STT3B: variants seen among roughly 807,000 people sequenced by gnomAD.
STT3B encodes the protein dolichyl-diphosphooligosaccharide--protein glycosyltransferase subunit STT3B.
In STT3B, 29 loss-of-function variants were observed where a neutral mutation model predicts 96.8. The observed-to-expected ratio is 0.30, with a 90% CI of 0.22 to 0.41. STT3B has a LOEUF of 0.41. Among genes scored for constraint, STT3B ranks in the 10% least tolerant of loss-of-function variants. STT3B has a pLI of 1.00. For missense variants in STT3B, 640 were observed against 1,022.3 expected (o/e 0.63, Z 5.10); for synonymous variants, 367 against 360.0 (o/e 1.02, Z -0.22).
At chr3:31,553,935 T>C (rs1295700739) in intron 1 of STT3B, among the ~76,000 whole-genome samples, 1 of 144,790 alleles carries the variant, frequency 6.9e-6, no homozygotes, top group Non-Finnish European at 1.6e-5. Flanking sequence ...TTATTTGAGA[T>C]CTATAATCTA....
At chr3:31,592,480 A>G (rs940426655) in intron 3 of STT3B, among the ~76,000 whole-genome samples, 2 of 152,134 alleles carry the variant, frequency 1.3e-5, no homozygotes, top group East Asian at 1.9e-4. Flanking sequence ...TCATATGTCA[A>G]TTCTATTTTT....
chr3:31,550,990 G>A (rs1037192891), intron 1 of STT3B, among the ~76,000 whole-genome samples: 2 of 152,106 alleles, frequency 1.3e-5, no homozygotes, highest in Non-Finnish European at 2.9e-5. Flanking sequence ...TATATATGAA[G>A]TGTTGCAAAT....
At chr3:31,579,256 C>T (rs1487559165) in intron 2 of STT3B, among the ~76,000 whole-genome samples, 1 of 152,016 alleles carries the variant, frequency 6.6e-6, no homozygotes, top group East Asian at 1.9e-4. Flanking sequence ...ACTCTTCCCT[C>T]TTTTCCTAGC....
At chr3:31,549,594 T>C (rs1435460305) in intron 1 of STT3B, among the ~76,000 whole-genome samples, 1 of 152,194 alleles carries the variant, frequency 6.6e-6, no homozygotes, top group African/African-American at 2.4e-5. Context: ...TTTATATTTA[T>C]AGTATATGAC....
chr3:31,600,562 G>T, intron 5 of STT3B, 103 bp downstream of exon 5: 1 of 496,626 alleles, frequency 2.0e-6, no homozygotes, highest in Non-Finnish European at 3.5e-6. Context: ...GCATGAAAAG[G>T]TAAAAATAAT....
chr3:31,593,785 A>C (rs1000079475), intron 3 of STT3B, among the ~76,000 whole-genome samples: 4 of 151,988 alleles, frequency 2.6e-5, no homozygotes, highest in Non-Finnish European at 5.9e-5. Context: ...GTGTTATATC[A>C]TTATATTTTT....
chr3:31,559,963 T>G (rs1359404526), intron 1 of STT3B, among the ~76,000 whole-genome samples: 11 of 152,140 alleles, frequency 7.2e-5, no homozygotes, highest in African/African-American at 2.2e-4. Context: ...TTTTACTGTT[T>G]TTTGACTTAA....
rs143785226 is a variant in STT3B, at chr3:31,620,901, TTCTCTAGG to T, written c.1327+1073_1327+1080del. 0.019 allele frequency among the ~76,000 whole-genome samples: 2,835 copies of T among 152,262 alleles called. 272 individuals are homozygous for T. In the East Asian group the frequency reaches 0.31, roughly 17 times the overall value. On this transcript the variant is annotated intron_variant, in intron 9 of 15. Transcript: ENST00000295770. Reference sequence around the variant, plus strand: ...AGTTTAAAGGATTGCACACTCATTGTTCTCTAGGTTAATGGATCCTGGATGAGGCCCTG... The same window carrying T: ...AGTTTAAAGGATTGCACACTCATTGTTTAATGGATCCTGGATGAGGCCCTG...
intron 1 of STT3B, among the ~76,000 whole-genome samples, chr3:31,553,962 A>T (rs1044167824): frequency 1.3e-5 from 2 of 152,204 alleles, no homozygotes; most frequent in Non-Finnish European, 1.5e-5. Context: ...GATTATATCC[A>T]TATTTTATGG....
At chr3:31,619,973 C>G in intron 9 of STT3B, 143 bp downstream of exon 9, 1 of 1,505,166 alleles carries the variant, frequency 6.6e-7, no homozygotes, top group Non-Finnish European at 8.8e-7. Flanking sequence ...AGGTGCTTAA[C>G]CAAGAAAAAT....
intron 13 of STT3B, among the ~76,000 whole-genome samples, chr3:31,627,553 G>A (rs527950180): frequency 1.3e-5 from 2 of 152,332 alleles, no homozygotes; most frequent in African/African-American, 2.4e-5. Context: ...AGGCACAAAA[G>A]ATAAGAGTAA....
At chr3:31,572,040 T>C (rs1369097769) in intron 1 of STT3B, among the ~76,000 whole-genome samples, 3 of 46,536 alleles carry the variant, frequency 6.4e-5, no homozygotes, top group African/African-American at 1.1e-4. Context: ...TAATATATGA[T>C]ATATTAATAT....
chr3:31,626,335 C>G (rs1366966806), intron 13 of STT3B, among the ~76,000 whole-genome samples: 1 of 152,186 alleles, frequency 6.6e-6, no homozygotes, highest in East Asian at 1.9e-4. Flanking sequence ...TACCATTCTT[C>G]CCTATGAAGC....
In STT3B at chr3:31,576,382, T is replaced by C. The variant is rs1698263682; in HGVS notation, c.315-14T>C. On this transcript the variant is annotated splice_polypyrimidine_tract_variant and intron_variant, in intron 1 of 15. Coordinates refer to ENST00000295770, the MANE Select transcript of STT3B (RefSeq NM_178862.3). Reference sequence around the variant, plus strand: ...AGCAGTTTTATAACATTTCTTTTTATCTCTTTTCTCTAGGTTTAACTATAG... The same window carrying C: ...AGCAGTTTTATAACATTTCTTTTTACCTCTTTTCTCTAGGTTTAACTATAG... 6.8e-7 allele frequency: 1 copy of C among 1,471,596 alleles called. No homozygotes were observed. Among genetic ancestry groups the C allele is most frequent in the Non-Finnish European group, 9.3e-7 (1 of 1,073,000 alleles). The allele number at this position is 1,471,596 out of a possible 1,614,324, so 91.2% of individuals were successfully genotyped here.
intron 15 of STT3B, 146 bp from the exon 16 acceptor site, chr3:31,635,838 G>A: frequency 1.8e-6 from 1 of 553,094 alleles, no homozygotes; most frequent in Non-Finnish European, 3.2e-6. Context: ...GTTTAGTGGT[G>A]TTCACTGAAC....
chr3:31,572,044 TTA>T (rs1326773620), intron 1 of STT3B, among the ~76,000 whole-genome samples: 2 of 113,114 alleles, frequency 1.8e-5, no homozygotes, highest in African/African-American at 5.7e-5. Context: ...ATATGATATA[TTA>T]ATATATCATA....
intron 5 of STT3B, among the ~76,000 whole-genome samples, chr3:31,608,041 G>A (rs757162886): frequency 6.6e-5 from 10 of 152,160 alleles, no homozygotes; most frequent in Non-Finnish European, 1.5e-4. Context: ...ATAAGAGGCT[G>A]TACAGTTTTA....
At chr3:31,562,593 C>G (rs1431306218) in intron 1 of STT3B, among the ~76,000 whole-genome samples, 14 of 152,120 alleles carry the variant, frequency 9.2e-5, no homozygotes, top group Admixed American at 8.5e-4. Context: ...CAACCCTGCT[C>G]TACTAGGGAA....
At chr3:31,579,478 A>T (rs538403422) in intron 2 of STT3B, among the ~76,000 whole-genome samples, 608 of 7,040 alleles carry the variant, frequency 0.086, 6 homozygotes, top group East Asian at 0.2. Flanking sequence ...CTGTTTTGAT[A>T]AAAAAAAAAA....
Sources: allele counts gnomAD v4.1 joint callset (sites outside exome capture counted in the v4.1 genomes callset), GRCh38; gene constraint gnomAD v4.1.1; transcripts MANE v1.5; gene names NCBI Gene and HGNC (gene_info 2026-07-23, HGNC 2026-07-21).